Variants in DSCAML1 observed in about 807,000 individuals in gnomAD.
The protein encoded by DSCAML1 is cell adhesion molecule DSCAML1.
A neutral mutation model predicts 200.5 loss-of-function variants in DSCAML1; 38 were observed. The observed-to-expected ratio is 0.19, with a 90% confidence interval of 0.15 to 0.25. The LOEUF is 0.25. DSCAML1 is among the 10% of genes least tolerant of loss of function. The probability of loss-of-function intolerance (pLI) is 1.00; values close to 1 mark genes in which losing one functional copy is unlikely to be tolerated. For synonymous variants in DSCAML1, 1,215 were observed against 1,165.0 expected (o/e 1.04, Z -0.87); for missense variants, 2,223 against 2,858.8 (o/e 0.78, Z 5.07).
intron 3 of DSCAML1, among the ~76,000 whole-genome samples, chr11:117,549,887 C>T (rs1273857190): frequency 6.6e-6 from 1 of 152,212 alleles, no homozygotes; most frequent in African/African-American, 2.4e-5. Context: ...GGGAGCTTAT[C>T]AGTAAAGGTA....
At chr11:117,534,804 G>T (rs891336226) in intron 3 of DSCAML1, among the ~76,000 whole-genome samples, 2 of 152,138 alleles carry the variant, frequency 1.3e-5, no homozygotes, top group African/African-American at 4.8e-5. Flanking sequence ...TAGAGATGAG[G>T]TCTCGCTATG....
intron 3 of DSCAML1, among the ~76,000 whole-genome samples, chr11:117,760,352 C>T (rs924284242): frequency 6.6e-6 from 1 of 152,248 alleles, no homozygotes; most frequent in South Asian, 2.1e-4. Flanking sequence ...GAGGTAAGCG[C>T]TACCCTGAAT....
intron 14 of DSCAML1, among the ~76,000 whole-genome samples, chr11:117,472,269 G>A (rs187253741): frequency 7.9e-5 from 12 of 152,304 alleles, no homozygotes; most frequent in Admixed American, 7.2e-4. Flanking sequence ...CAGCCTGTAA[G>A]CTCAAACTTC....
chr11:117,739,009 A>C (rs549472316), intron 3 of DSCAML1, among the ~76,000 whole-genome samples: 3 of 152,340 alleles, frequency 2.0e-5, no homozygotes, highest in African/African-American at 7.2e-5. Flanking sequence ...AGCTTCAAAC[A>C]ACACATGTAG....
At chr11:117,691,723 C>T (rs1478505306) in intron 3 of DSCAML1, among the ~76,000 whole-genome samples, 1 of 152,170 alleles carries the variant, frequency 6.6e-6, no homozygotes, top group East Asian at 1.9e-4. Context: ...TACATCGACA[C>T]TACATGTTCA....
chr11:117,560,036 G>C (rs575685950), intron 3 of DSCAML1, among the ~76,000 whole-genome samples: 2 of 152,192 alleles, frequency 1.3e-5, no homozygotes, highest in East Asian at 3.9e-4. Flanking sequence ...AGACAGGCCC[G>C]GCTGCTGGGA....
chr11:117,568,673 C>T (rs1032280402), intron 3 of DSCAML1, among the ~76,000 whole-genome samples: 17 of 152,152 alleles, frequency 1.1e-4, no homozygotes, highest in South Asian at 4.2e-4. Flanking sequence ...GGGACATGAA[C>T]GACCTCTTCA....
At chr11:117,805,195 T>A (rs546395992) in intron 1 of DSCAML1, among the ~76,000 whole-genome samples, 1 of 152,174 alleles carries the variant, frequency 6.6e-6, no homozygotes, top group East Asian at 1.9e-4. Flanking sequence ...TTGGTGAAAG[T>A]TGGGAAATGG....
At chr11:117,815,204 C>A (rs902470369) in intron 1 of DSCAML1, among the ~76,000 whole-genome samples, 1 of 152,094 alleles carries the variant, frequency 6.6e-6, no homozygotes, top group Non-Finnish European at 1.5e-5. Flanking sequence ...ATCCAAGGGG[C>A]GGGAGGGAAC....
intron 3 of DSCAML1, among the ~76,000 whole-genome samples, chr11:117,686,576 C>A (rs1321843685): frequency 3.3e-5 from 5 of 152,274 alleles, no homozygotes; most frequent in Non-Finnish European, 5.9e-5. Context: ...CCTCTCCTTG[C>A]AAAGTTCTCT....
intron 3 of DSCAML1, among the ~76,000 whole-genome samples, chr11:117,682,270 G>A (rs1054935764): frequency 4.6e-5 from 7 of 152,134 alleles, no homozygotes; most frequent in Non-Finnish European, 7.4e-5. Flanking sequence ...GGCCTCCGCT[G>A]CCTGTCCAGC....
intron 3 of DSCAML1, among the ~76,000 whole-genome samples, chr11:117,752,121 A>G (rs1396732290): frequency 6.6e-6 from 1 of 152,178 alleles, no homozygotes; most frequent in Admixed American, 6.5e-5. Flanking sequence ...AAGCCTTCTC[A>G]TTTCTGTCAA....
At chr11:117,486,042 C>T (rs2049041440) in intron 11 of DSCAML1, among the ~76,000 whole-genome samples, 1 of 152,224 alleles carries the variant, frequency 6.6e-6, no homozygotes. Flanking sequence ...TAAGGACTAC[C>T]TCACATGTAC....
At chr11:117,768,987 A>T (rs970839653) in intron 3 of DSCAML1, among the ~76,000 whole-genome samples, 14 of 149,068 alleles carry the variant, frequency 9.4e-5, no homozygotes, top group African/African-American at 3.5e-4. Context: ...GAGACAAGAG[A>T]ATCACTTGAA....
intron 3 of DSCAML1, among the ~76,000 whole-genome samples, chr11:117,560,273 T>C (rs1357096835): frequency 6.6e-6 from 1 of 152,132 alleles, no homozygotes; most frequent in Non-Finnish European, 1.5e-5. Flanking sequence ...GGATACAGTA[T>C]CTTATTTAAT....
chr11:117,680,969 A>T (rs2053300002), intron 3 of DSCAML1, among the ~76,000 whole-genome samples: 1 of 152,160 alleles, frequency 6.6e-6, no homozygotes. Context: ...GAGCATGGGG[A>T]AGGGGGACTG....
chr11:117,447,426 T>C (rs750014890), intron 20 of DSCAML1, among the ~76,000 whole-genome samples: 15 of 152,356 alleles, frequency 9.8e-5, no homozygotes, highest in Non-Finnish European at 1.8e-4. Flanking sequence ...TCAAAACCTG[T>C]ACTATGTGTA....
In DSCAML1 at chr11:117,672,506, A is replaced by G. The variant is rs560140038; in HGVS notation, c.511+104285T>C. 8.5e-5 allele frequency among the ~76,000 whole-genome samples: 13 copies of G among 152,328 alleles called. No individual in the cohort carries two copies. In the South Asian group the frequency reaches 2.7e-3, roughly 32 times the overall value. On this transcript the variant is annotated intron_variant, in intron 3 of 32. Transcript: ENST00000651296. Reference sequence around the variant, plus strand: ...AAAGTCGAAAAGTGCTCCAAGGATAAGGATTTGCCATCACTCAGGGAATTC... The same window carrying G: ...AAAGTCGAAAAGTGCTCCAAGGATAGGGATTTGCCATCACTCAGGGAATTC...
chr11:117,458,408 G>A (rs532713188), intron 19 of DSCAML1, among the ~76,000 whole-genome samples: 93 of 152,290 alleles, frequency 6.1e-4, no homozygotes, highest in African/African-American at 2.0e-3. Context: ...TAGCCCCAGC[G>A]TGTATCCAGA....
Sources: gnomAD v4.1 joint callset for allele counts (sites outside exome capture counted in the v4.1 genomes callset) on GRCh38, gnomAD v4.1.1 for gene constraint, MANE v1.5 for transcripts, NCBI Gene and HGNC (gene_info 2026-07-23, HGNC 2026-07-21) for gene names.